The following AVEN variants were observed in gnomAD, a reference collection of about 807,000 sequenced individuals.
AVEN encodes apoptosis and caspase activation inhibitor, also known as cell death regulator Aven.
Under a neutral mutation model 38.1 loss-of-function variants are expected in AVEN, and 41 were observed. The ratio of observed to expected loss-of-function variants is 1.08; its 90% CI spans 0.84 to 1.40. The LOEUF is 1.40. Among genes scored for constraint, AVEN ranks in the 40% most tolerant of loss-of-function variants. The probability of loss-of-function intolerance (pLI) is 0.00; values close to 1 mark genes in which losing one functional copy is unlikely to be tolerated. For synonymous variants in AVEN, 206 were observed against 171.8 expected, an observed-to-expected ratio of 1.20 and a Z score of -1.56; for missense variants, 605 against 438.8, an observed-to-expected ratio of 1.38 and a Z score of -3.38.
chr15:33,976,996 T>C (rs993308451), intron 2 of AVEN, among the ~76,000 whole-genome samples: 2 of 152,134 alleles, frequency 1.3e-5, no homozygotes, highest in East Asian at 1.9e-4. Context: ...ATTCCTTATA[T>C]AGAAAAGAGA....
chr15:33,997,694 T>C (rs1001042534), intron 2 of AVEN, among the ~76,000 whole-genome samples: 1 of 152,174 alleles, frequency 6.6e-6, no homozygotes, highest in South Asian at 2.1e-4. Context: ...TCTTCTCTCA[T>C]ATCTTCACTT....
At chr15:33,988,658 C>G (rs1248905108) in intron 2 of AVEN, among the ~76,000 whole-genome samples, 1 of 152,090 alleles carries the variant, frequency 6.6e-6, no homozygotes, top group Non-Finnish European at 1.5e-5. Context: ...GAAGCCTAAC[C>G]CTTCTGAGGA....
At chr15:33,961,624 T>C (rs113360878) in intron 2 of AVEN, among the ~76,000 whole-genome samples, 10,980 of 151,136 alleles carry the variant, frequency 0.073, 525 homozygotes, top group Non-Finnish European at 0.096. Flanking sequence ...CCATTCTGGC[T>C]AACACGGTGA....
intron 2 of AVEN, among the ~76,000 whole-genome samples, chr15:33,896,124 A>C (rs376461513): frequency 9.8e-5 from 15 of 152,368 alleles, no homozygotes; most frequent in African/African-American, 3.1e-4. Flanking sequence ...ATACCCCAGA[A>C]TAAAAACTAC....
intron 2 of AVEN, among the ~76,000 whole-genome samples, chr15:33,988,623 A>T (rs1896584057): frequency 6.6e-6 from 1 of 152,172 alleles, no homozygotes; most frequent in Non-Finnish European, 1.5e-5. Flanking sequence ...GGGCTCATTT[A>T]CACACACACG....
At chr15:33,941,226 T>C (rs79084555) in intron 2 of AVEN, among the ~76,000 whole-genome samples, 120 of 152,352 alleles carry the variant, frequency 7.9e-4, no homozygotes, top group African/African-American at 2.7e-3. Flanking sequence ...GAACTCACTT[T>C]GGAAGGTACT....
At position 33,867,672 on chromosome 15, in the gene AVEN, T is replaced by C. The variant is rs1890699262; in HGVS notation, c.796A>G (p.Arg266Gly). The change falls in exon 5 of 6, where the codon AGG becomes GGG. Residue 266 changes from arginine to glycine, a missense_variant. By Grantham distance (125) the Arg-to-Gly change is moderately radical. Coordinates refer to ENST00000306730, the MANE Select transcript of AVEN (RefSeq NM_020371.3). ...GGGGAAGTGGGTTTCTGAGAATCCC[T>C]TGAAGGACCCGGGCTTGGGTTGTCT... ...GKDNPSPGPS[R>G]DSQKPTSPLQ... 4 of 1,614,212 alleles carry C rather than the reference T, an allele frequency of 2.5e-6. No homozygotes were observed. The highest frequency in any genetic ancestry group is 1.1e-5 in the South Asian group (1 of 91,086).
chr15:34,063,200 C>T lies in AVEN; in HGVS notation n.1359G>A. The T allele has an allele frequency of 2.5e-6, 4 of 1,614,200 alleles. No homozygotes were observed. Among genetic ancestry groups the T allele is most frequent in the Non-Finnish European group, 3.4e-6 (4 of 1,180,044 alleles). On this transcript the variant is annotated non_coding_transcript_exon_variant, in exon 5 of 12. Coordinates refer to the AVEN transcript ENST00000675287. This position sits in a 1 kb window ranked among gnomAD's most constrained non-coding sequence, Gnocchi z 4.1. ...TGGCCTGGCTGATCTCCTTCATCCT[C>T]TGGGCCCCAGCAATCCTCTGCTGGC...
intron 2 of AVEN, among the ~76,000 whole-genome samples, chr15:33,950,553 T>C (rs1317473987): frequency 2.6e-5 from 4 of 151,936 alleles, no homozygotes. Context: ...TTGTGAGAGG[T>C]GGAAGGAAAC....
chr15:33,885,658 T>C (rs1486932647), intron 2 of AVEN: 1 of 152,158 alleles, frequency 6.6e-6, no homozygotes, highest in East Asian at 1.9e-4. Flanking sequence ...GCATCGAACA[T>C]CCACACTGAG....
chr15:33,920,759 T>A (rs1893361953), intron 2 of AVEN, among the ~76,000 whole-genome samples: 1 of 148,744 alleles, frequency 6.7e-6, no homozygotes, highest in Admixed American at 6.8e-5. Context: ...GATGATTACT[T>A]TTCCAAATAT....
chr15:34,010,883 TAAG>T (rs1433008719), intron 1 of AVEN, among the ~76,000 whole-genome samples: 11 of 152,220 alleles, frequency 7.2e-5, no homozygotes, highest in Non-Finnish European at 1.3e-4. Context: ...GTAAACCTAT[TAAG>T]GTCATTTTTA....
At chr15:34,058,555 AACACACACACACACAC>A (rs3027963) in intron 5 of AVEN, among the ~76,000 whole-genome samples, 3 of 143,178 alleles carry the variant, frequency 2.1e-5, no homozygotes, top group African/African-American at 5.2e-5. Flanking sequence ...CTTTAATTCT[AACACACACACACACAC>A]ACACACACAC....
Position 33,867,502 on chromosome 15 carries a change from C to A in AVEN, c.966G>T (p.Glu322Asp). 1 of 1,573,772 alleles carries A rather than the reference C, an allele frequency of 6.4e-7. No individual in the cohort carries two copies. The highest frequency in any genetic ancestry group is 8.6e-7 in the Non-Finnish European group (1 of 1,163,970). The change falls in exon 5 of 6, where the codon GAG (glutamate) becomes GAT (aspartate). Residue 322 changes from glutamate (E) to aspartate (D), a missense_variant. Glu to Asp is a conservative substitution (Grantham distance 45). Coordinates refer to ENST00000306730, the MANE Select transcript of AVEN (RefSeq NM_020371.3). ...ATAAAATGAAAGCCATACCTTCTTC[C>A]TCTTGGACCACCTCCCCATCTTCCT... ...KSKEDGEVVQEEEVCAKPSVT... is the reference protein window; with the variant it reads ...KSKEDGEVVQDEEVCAKPSVT...
In AVEN at chr15:34,003,149, A is replaced by C. The variant is rs1897204093; in HGVS notation, c.328T>G (p.Ser110Ala). Reference protein sequence around the residue: ...GEENDEQGNYSKRKIVSNWDR... With the variant: ...GEENDEQGNYAKRKIVSNWDR... ...CAGTTAGAGACAATCTTTCTTTTAG[A>C]ATAATTTCCCTGTTCATCATTCTCT... The change falls in exon 2 of 6, where the codon TCT becomes GCT. Residue 110 changes from serine to alanine, a missense_variant. Transcript: ENST00000306730. 6.2e-7 allele frequency: 1 copy of C among 1,613,732 alleles called. No individual in the cohort carries two copies. Among genetic ancestry groups the C allele is most frequent in the Non-Finnish European group, 8.5e-7 (1 of 1,179,918 alleles).
chr15:33,890,208 T>C (rs1316259602), intron 2 of AVEN, among the ~76,000 whole-genome samples: 1 of 152,184 alleles, frequency 6.6e-6, no homozygotes, highest in East Asian at 1.9e-4. Flanking sequence ...CTTATCTTAG[T>C]TGGGGCTCGA....
intron 11 of AVEN, chr15:33,861,045 A>G (rs758846062): frequency 6.8e-7 from 1 of 1,480,670 alleles, no homozygotes; most frequent in South Asian, 1.2e-5. Context: ...TATTATGCCA[A>G]CAAATGCCTT....
intron 3 of AVEN, among the ~76,000 whole-genome samples, chr15:33,871,653 T>C (rs1890955994): frequency 6.6e-6 from 1 of 151,946 alleles, no homozygotes; most frequent in Admixed American, 6.6e-5. Flanking sequence ...AAGCATTTAA[T>C]GAAATCTAAC....
intron 2 of AVEN, among the ~76,000 whole-genome samples, chr15:33,919,559 T>G (rs1836193205): frequency 6.6e-6 from 1 of 152,144 alleles, no homozygotes; most frequent in Non-Finnish European, 1.5e-5. Flanking sequence ...CAGTGGAATA[T>G]CAATCCCCCT....
Sources: allele counts gnomAD v4.1 joint callset (sites outside exome capture counted in the v4.1 genomes callset), GRCh38; gene constraint gnomAD v4.1.1; non-coding constraint Gnocchi (gnomAD v3.1); transcripts MANE v1.5; gene names NCBI Gene and HGNC (gene_info 2026-07-23, HGNC 2026-07-21).